The following RAI1 variants were observed in gnomAD, a reference collection of about 807,000 sequenced individuals.
The protein encoded by RAI1 is retinoic acid-induced protein 1.
A neutral mutation model predicts 123.8 loss-of-function variants in RAI1; 9 were observed. That is an observed-to-expected ratio of 0.07 (90% CI 0.04 to 0.13). RAI1 has a LOEUF of 0.13. Ranked by LOEUF, RAI1 falls within the 10% of genes least tolerant of loss-of-function variation. The pLI is 1.00. For synonymous variants in RAI1, 1,231 were observed against 1,127.3 expected, an observed-to-expected ratio of 1.09 and a Z score of -1.84; for missense variants, 2,256 against 2,545.8, an observed-to-expected ratio of 0.89 and a Z score of 2.45.
chr17:17,749,646 T>G (rs2030074466), intron 2 of RAI1, among the ~76,000 whole-genome samples: 1 of 152,226 alleles, frequency 6.6e-6, no homozygotes, highest in South Asian at 2.1e-4. Flanking sequence ...CCTCAGGATC[T>G]TTGCCTCTGC....
At position 17,797,618 on chromosome 17, in the gene RAI1, C is replaced by T. The variant is rs1222002137; in HGVS notation, c.4670C>T (p.Ala1557Val). The change falls in exon 3 of 6, where the codon GCC becomes GTC. Residue 1557 changes from alanine (A) to valine (V), a missense_variant. By Grantham distance (64) the Ala-to-Val change is moderately conservative (BLOSUM62 0). This residue lies in a region of RAI1 where 410 missense variants were observed against 374.6 expected (regional missense o/e 1.09). Coordinates refer to ENST00000353383, the MANE Select transcript of RAI1 (RefSeq NM_030665.4). Reference protein sequence around the residue: ...NTTSSPCKGRAKRRRQQQVLP... With the variant: ...NTTSSPCKGRVKRRRQQQVLP... ...ACCTCTTCACCCTGTAAGGGGCGTGCCAAGCGACGACGACAGCAGCAGGTG... is the reference window on the plus strand; with the variant it reads ...ACCTCTTCACCCTGTAAGGGGCGTGTCAAGCGACGACGACAGCAGCAGGTG... 6.2e-6 allele frequency: 10 copies of T among 1,613,978 alleles called. No homozygotes were observed. Among genetic ancestry groups the T allele is most frequent in the Non-Finnish European group, 8.5e-6 (10 of 1,180,044 alleles).
chr17:17,730,309 G>C (rs1351349658), intron 2 of RAI1, among the ~76,000 whole-genome samples: 1 of 152,224 alleles, frequency 6.6e-6, no homozygotes, highest in African/African-American at 2.4e-5. Context: ...ACTGTTACTT[G>C]GAGGAGTGAT....
At chr17:17,765,216 G>C (rs530847640) in intron 2 of RAI1, among the ~76,000 whole-genome samples, 1 of 152,348 alleles carries the variant, frequency 6.6e-6, no homozygotes, top group Admixed American at 6.5e-5. Context: ...CACATTGTTT[G>C]GTTCCTGTAT....
chr17:17,716,268 C>G (rs1010922562), intron 1 of RAI1, among the ~76,000 whole-genome samples: 1 of 152,222 alleles, frequency 6.6e-6, no homozygotes, highest in Non-Finnish European at 1.5e-5. Context: ...CCCAGAGATA[C>G]CCATGAGCCC....
chr17:17,760,112 C>G (rs965188008), intron 2 of RAI1, among the ~76,000 whole-genome samples: 17 of 152,222 alleles, frequency 1.1e-4, no homozygotes, highest in African/African-American at 4.1e-4. Flanking sequence ...GGCACCCAGA[C>G]AGAGTACTGC....
chr17:17,756,457 A>G (rs1286291535), intron 2 of RAI1, among the ~76,000 whole-genome samples: 4 of 152,124 alleles, frequency 2.6e-5, no homozygotes, highest in African/African-American at 9.7e-5. Flanking sequence ...TCTGCCTCCC[A>G]AAGTGCTGGG....
At chr17:17,727,387 A>G (rs1047008161) in intron 2 of RAI1, among the ~76,000 whole-genome samples, 9 of 152,232 alleles carry the variant, frequency 5.9e-5, no homozygotes, top group Admixed American at 1.3e-4. Context: ...CGCATCTGAA[A>G]AGATTCCTGA....
At chr17:17,731,970 G>GGCTGGAGGAGGATT in intron 2 of RAI1, among the ~76,000 whole-genome samples, 1 of 152,070 alleles carries the variant, frequency 6.6e-6, no homozygotes, top group African/African-American at 2.4e-5. Flanking sequence ...CCTTGGCACA[G>GGCTGGAGGAGGATT]GCTGGAGGAG....
At chr17:17,735,924 A>G (rs1916419340) in intron 2 of RAI1, among the ~76,000 whole-genome samples, 1 of 152,190 alleles carries the variant, frequency 6.6e-6, no homozygotes, top group South Asian at 2.1e-4. Context: ...AACTTGGCCC[A>G]CAAAAGGCCT....
intron 2 of RAI1, among the ~76,000 whole-genome samples, chr17:17,757,832 C>A (rs891143886): frequency 1.3e-5 from 2 of 152,216 alleles, no homozygotes; most frequent in Non-Finnish European, 2.9e-5. Flanking sequence ...GCGGGAGAGG[C>A]TGAGACTCAG....
chr17:17,796,710 T>C lies in RAI1; in HGVS notation c.3762T>C (p.Asn1254=). ...RSSSSSNASG[N]GGDGKEERPE... is the part of the protein sequence containing the mutation. Reference sequence around the variant, plus strand: ...GCAGCAGCAGCAACGCCAGTGGCAATGGGGGAGATGGGAAGGAGGAGAGGC... The same window carrying C: ...GCAGCAGCAGCAACGCCAGTGGCAACGGGGGAGATGGGAAGGAGGAGAGGC... Residue 1254 remains asparagine, a synonymous_variant, in exon 3 of 6, where the codon AAT becomes AAC. Coordinates refer to ENST00000353383, the MANE Select transcript of RAI1 (RefSeq NM_030665.4). The surrounding 1 kb of genome is among the most constrained non-coding windows in gnomAD (Gnocchi z 5.8). 1 of 1,612,908 alleles carries C rather than the reference T, an allele frequency of 6.2e-7. No individual in the cohort carries two copies. Among genetic ancestry groups the C allele is most frequent in the Non-Finnish European group, 8.5e-7 (1 of 1,179,806 alleles).
At chr17:17,730,780 C>G (rs949410287) in intron 2 of RAI1, among the ~76,000 whole-genome samples, 1 of 152,204 alleles carries the variant, frequency 6.6e-6, no homozygotes, top group Non-Finnish European at 1.5e-5. Flanking sequence ...ACTGGGGGAC[C>G]GAGGCACAAG....
intron 2 of RAI1, chr17:17,759,449 T>C (rs926053404): frequency 1.3e-5 from 2 of 152,062 alleles, no homozygotes; most frequent in African/African-American, 4.8e-5. Context: ...CTCAAGAAAA[T>C]AATGTTTCCC....
In RAI1 at chr17:17,793,482, G is replaced by C. The variant is rs561440366; in HGVS notation, c.534G>C (p.Pro178=). 1.9e-6 allele frequency: 3 copies of C among 1,613,814 alleles called. No homozygotes were observed. The highest frequency in any genetic ancestry group is 1.1e-5 in the South Asian group (1 of 91,084). ...CCCTGCACGTCCAGCAGCCACCGCC[G>C]CCCCAGCAGCCCCTGGCATACCCCA... ...THSLHVQQPP[P]PQQPLAYPKL... Residue 178 remains proline (P), a synonymous_variant, in exon 3 of 6, where the codon CCG becomes CCC. Coordinates refer to ENST00000353383, the MANE Select transcript of RAI1 (RefSeq NM_030665.4).
chr17:17,746,486 T>A (rs2142977406), intron 2 of RAI1, among the ~76,000 whole-genome samples: 1 of 152,200 alleles, frequency 6.6e-6, no homozygotes, highest in African/African-American at 2.4e-5. Context: ...CCGTTCTCTG[T>A]CCCTCCCTAA....
chr17:17,743,064 C>T (rs57339261), intron 2 of RAI1, among the ~76,000 whole-genome samples: 1,900 of 152,318 alleles, frequency 0.012, 47 homozygotes, highest in African/African-American at 0.043. Flanking sequence ...TCACAGCTCA[C>T]CATAGCCTCA....
intron 1 of RAI1, among the ~76,000 whole-genome samples, chr17:17,701,466 CCTTCTCTCACT>C (rs1915221553): frequency 6.6e-6 from 1 of 152,088 alleles, no homozygotes; most frequent in South Asian, 2.1e-4. Context: ...TCCCTCATTC[CCTTCTCTCACT>C]CTTCTCTTTT....
At chr17:17,787,667 G>A (rs1207738588) in intron 2 of RAI1, among the ~76,000 whole-genome samples, 1 of 152,186 alleles carries the variant, frequency 6.6e-6, no homozygotes, top group Non-Finnish European at 1.5e-5. Flanking sequence ...CAGGTCTCCC[G>A]GCCTCTTGAT....
intron 2 of RAI1, among the ~76,000 whole-genome samples, chr17:17,757,503 C>T (rs532923482): frequency 3.3e-5 from 5 of 152,262 alleles, no homozygotes; most frequent in Admixed American, 2.0e-4. Flanking sequence ...GCCTTGCCTG[C>T]GCTCCACCTT....
Sources: gnomAD v4.1 joint callset for allele counts (sites outside exome capture counted in the v4.1 genomes callset) on GRCh38, gnomAD v4.1.1 for gene constraint, gnomAD v4.1.1 regional missense constraint, Gnocchi (gnomAD v3.1) non-coding constraint, MANE v1.5 for transcripts, NCBI Gene and HGNC (gene_info 2026-07-23, HGNC 2026-07-21) for gene names.